Variants in GABRA2 observed in about 807,000 individuals in gnomAD.
GABRA2 encodes gamma-aminobutyric acid type A receptor subunit alpha2, also known as gamma-aminobutyric acid receptor subunit alpha-2.
In GABRA2, 16 loss-of-function variants were observed where a neutral mutation model predicts 48.7. The ratio of observed to expected loss-of-function variants is 0.33; its 90% CI spans 0.22 to 0.50. GABRA2 has a LOEUF of 0.50. Among genes scored for constraint, GABRA2 ranks in the 20% least tolerant of loss-of-function variants. GABRA2 has a pLI of 0.98. For synonymous variants in GABRA2, 185 were observed against 184.5 expected (o/e 1.00, Z -0.02); for missense variants, 275 against 535.6 (o/e 0.51, Z 4.80).
intron 8 of GABRA2, among the ~76,000 whole-genome samples, chr4:46,271,455 C>G (rs1254181571): frequency 6.6e-6 from 1 of 151,876 alleles, no homozygotes; most frequent in Non-Finnish European, 1.5e-5. Flanking sequence ...ACCCTATCCC[C>G]CAAATAAAGT....
chr4:46,250,420 C>T lies in GABRA2; in HGVS notation c.1244G>A (p.Ser415Asn). The change falls in exon 10 of 10, where the codon AGC becomes AAC. Residue 415 changes from serine to asparagine, a missense_variant. Physicochemically the swap from Ser to Asn is conservative, Grantham distance 46 (BLOSUM62 1). Coordinates refer to ENST00000381620, the MANE Select transcript of GABRA2 (RefSeq NM_000807.4). ...TATTCTGGACATTCTGTCAATTTTG[C>T]TAACACTGTTGAAAGTTTTCTTTGC... ...AEAKKTFNSV[S>N]KIDRMSRIVF... The T allele has an allele frequency of 6.2e-7, 1 of 1,611,880 alleles. No individual in the cohort carries two copies. The highest frequency in any genetic ancestry group is 8.5e-7 in the Non-Finnish European group (1 of 1,178,594).
At chr4:46,388,980 C>CT (rs1375514995) in intron 1 of GABRA2, 1 of 1,245,252 alleles carries the variant, frequency 8.0e-7, no homozygotes, top group Non-Finnish European at 1.0e-6. Flanking sequence ...AGTAATCAGA[C>CT]TTCTCTCTGC....
chr4:46,325,090 T>C (rs1344398685), intron 4 of GABRA2, among the ~76,000 whole-genome samples: 1 of 151,932 alleles, frequency 6.6e-6, no homozygotes, highest in Non-Finnish European at 1.5e-5. Context: ...AGAATAGTAA[T>C]AAGTATATAG....
In GABRA2 at chr4:46,253,939, T is replaced by C. The variant is rs148082321; in HGVS notation, c.1060-3335A>G. On this transcript the variant is annotated intron_variant, in intron 9 of 9. Coordinates refer to ENST00000381620, the MANE Select transcript of GABRA2 (RefSeq NM_000807.4). Reference sequence around the variant, plus strand: ...TATAGTAAAGCAGACTGTTTCTCTTTGTTTAAAATTAAAACCATGTTTAGG... The same window carrying C: ...TATAGTAAAGCAGACTGTTTCTCTTCGTTTAAAATTAAAACCATGTTTAGG... Among the ~76,000 whole-genome samples the C allele has an allele frequency of 7.5e-3, 1,144 of 151,670 alleles. 16 individuals are homozygous for C. Among genetic ancestry groups the C allele is most frequent in the African/African-American group, 0.026 (1,079 of 41,466 alleles).
At chr4:46,349,111 A>G (rs1202086307) in intron 3 of GABRA2, among the ~76,000 whole-genome samples, 1 of 151,926 alleles carries the variant, frequency 6.6e-6, no homozygotes, top group African/African-American at 2.4e-5. Flanking sequence ...GTTAATGTAC[A>G]TTTTTGAGAC....
chr4:46,377,065 G>A (rs1715844051), intron 3 of GABRA2, among the ~76,000 whole-genome samples: 1 of 152,102 alleles, frequency 6.6e-6, no homozygotes, highest in South Asian at 2.1e-4. Flanking sequence ...GGAGTGCAGT[G>A]GCGTGATCTC....
chr4:46,256,260 A>G (rs1489930009), intron 9 of GABRA2: 4 of 696,458 alleles, frequency 5.7e-6, no homozygotes, highest in Non-Finnish European at 7.9e-6. Context: ...TTTTCTTGGA[A>G]TAAACTGGGC....
intron 3 of GABRA2, among the ~76,000 whole-genome samples, chr4:46,384,291 A>T (rs959089367): frequency 6.6e-6 from 1 of 152,206 alleles, no homozygotes; most frequent in African/African-American, 2.4e-5. Flanking sequence ...GACTGACCTG[A>T]CTGTGAGATA....
At chr4:46,280,211 A>T (rs1721268024) in intron 8 of GABRA2, among the ~76,000 whole-genome samples, 1 of 152,172 alleles carries the variant, frequency 6.6e-6, no homozygotes, top group African/African-American at 2.4e-5. Flanking sequence ...AGAGTCAGAA[A>T]TCGTGAGACA....
intron 6 of GABRA2, among the ~76,000 whole-genome samples, chr4:46,307,723 GA>G (rs1726942190): frequency 6.6e-6 from 1 of 152,088 alleles, no homozygotes; most frequent in South Asian, 2.1e-4. Context: ...GAAATCTAGA[GA>G]AAAGCTCAAG....
intron 3 of GABRA2, among the ~76,000 whole-genome samples, chr4:46,375,454 A>C (rs1256084003): frequency 6.6e-6 from 1 of 152,162 alleles, no homozygotes; most frequent in Non-Finnish European, 1.5e-5. Context: ...AGCTCAAAAC[A>C]AATAAGTTTT....
intron 9 of GABRA2, 64 bp downstream of exon 9, chr4:46,261,860 ATC>A: frequency 7.8e-7 from 1 of 1,274,948 alleles, no homozygotes; most frequent in Non-Finnish European, 1.1e-6. Context: ...TTAGAAACAT[ATC>A]TGTTACAAGC....
chr4:46,333,402 T>C (rs542292277), intron 3 of GABRA2, among the ~76,000 whole-genome samples: 13 of 151,988 alleles, frequency 8.6e-5, no homozygotes, highest in Non-Finnish European at 1.9e-4. Context: ...CAAATAGTGA[T>C]GGGGAAAAGG....
chr4:46,368,719 G>T (rs1279878558), intron 3 of GABRA2: 1 of 379,246 alleles, frequency 2.6e-6, no homozygotes, highest in Non-Finnish European at 4.7e-6. Context: ...AATGAAAATT[G>T]GTTGACCTTT....
intron 4 of GABRA2, among the ~76,000 whole-genome samples, chr4:46,317,749 G>T (rs1364731222): frequency 1.3e-5 from 2 of 150,248 alleles, no homozygotes; most frequent in Non-Finnish European, 3.0e-5. Flanking sequence ...CATGAGCCAG[G>T]TAAAAAAAAA....
chr4:46,386,059 G>A lies in GABRA2; in HGVS notation c.187+15C>T, dbSNP rs750482687. 9 of 1,511,612 alleles carry A rather than the reference G, an allele frequency of 6.0e-6. No individual in the cohort carries two copies. The Admixed American group carries it at 6.9e-5, about 12-fold the overall frequency. 93.6% of individuals were successfully genotyped at this position (1,511,612 alleles called of 1,614,324 possible). On this transcript the variant is annotated intron_variant, in intron 3 of 9. Transcript: ENST00000381620. Reference sequence around the variant, plus strand: ...TTATTTTACGAGAGTTTTAAAAGAGGAAAACTATTTTTACCTCCCAGTCCT... The same window carrying A: ...TTATTTTACGAGAGTTTTAAAAGAGAAAAACTATTTTTACCTCCCAGTCCT...
intron 3 of GABRA2, among the ~76,000 whole-genome samples, chr4:46,362,540 T>G (rs1307542487): frequency 6.6e-6 from 1 of 152,150 alleles, no homozygotes; most frequent in Non-Finnish European, 1.5e-5. Context: ...AAACTAAAAA[T>G]AAAATTAGAC....
At chr4:46,323,746 A>C (rs182348458) in intron 4 of GABRA2, among the ~76,000 whole-genome samples, 152 of 151,818 alleles carry the variant, frequency 1.0e-3, no homozygotes, top group African/African-American at 3.5e-3. Flanking sequence ...AAAAAAAAAA[A>C]GGTATGAACG....
At position 46,245,096 on chromosome 4, in the gene GABRA2, A is replaced by G. The variant is rs1250724320; in HGVS notation, c.*5212T>C. 6.6e-6 allele frequency among the ~76,000 whole-genome samples: 1 copy of G among 151,182 alleles called. No individual in the cohort carries two copies. Among genetic ancestry groups the G allele is most frequent in the Non-Finnish European group, 1.5e-5 (1 of 67,476 alleles). On this transcript the variant is annotated 3_prime_UTR_variant, in exon 10 of 10. Transcript: ENST00000381620. ...TATATGTAAACTGGTATGTTGGTGT[A>G]CTATATAGAAATCCTAGATTTCCAG...
Sources: gnomAD v4.1 joint callset for allele counts (sites outside exome capture counted in the v4.1 genomes callset) on GRCh38, gnomAD v4.1.1 for gene constraint, MANE v1.5 for transcripts, NCBI Gene and HGNC (gene_info 2026-07-23, HGNC 2026-07-21) for gene names.